PLEKHG5: variants seen among roughly 807,000 people sequenced by gnomAD.
PLEKHG5 encodes pleckstrin homology domain-containing family G member 5.
In PLEKHG5, 52 loss-of-function variants were observed where a neutral mutation model predicts 103.8. That is an observed-to-expected ratio of 0.50 (90% confidence interval 0.40 to 0.63). PLEKHG5 has a LOEUF of 0.63. Among genes scored for constraint, PLEKHG5 ranks in the 30% least tolerant of loss-of-function variants. The probability of loss-of-function intolerance (pLI) is 0.00; values close to 1 mark genes in which losing one functional copy is unlikely to be tolerated. For missense variants in PLEKHG5, 1,205 were observed against 1,347.6 expected (o/e 0.89, Z 1.66); for synonymous variants, 592 against 575.5 (o/e 1.03, Z -0.41).
At chr1:6,501,643 G>A (rs532012843), upstream of PLEKHG5, among the ~76,000 whole-genome samples, 13 of 151,580 alleles carry the variant, frequency 8.6e-5, no homozygotes, top group South Asian at 4.1e-4. This position sits in a 1 kb window ranked among gnomAD's most constrained non-coding sequence, Gnocchi z 4.3. Context: ...AAACTGAGGC[G>A]TGGAGGGTAG....
chr1:6,515,218 A>G (rs1273806107), intron 1 of PLEKHG5, among the ~76,000 whole-genome samples: 1 of 151,876 alleles, frequency 6.6e-6, no homozygotes, highest in Non-Finnish European at 1.5e-5. Flanking sequence ...CCACCTTCCC[A>G]TTTGGGACAA....
rs3007425 is a variant in PLEKHG5 at position 6,486,923 on chromosome 1, C to T, written c.-88+4714G>A. On this transcript the variant is annotated intron_variant, in intron 1 of 20. Transcript: ENST00000377728. The surrounding 1 kb of genome is among the most constrained non-coding windows in gnomAD (Gnocchi z 5.3). ...GGTGGCCATGCTGTCTGTCATCAGC[C>T]CACCCACCCCTAATTGCTCCTCCTC... 0.033 allele frequency among the ~76,000 whole-genome samples: 5,040 copies of T among 152,214 alleles called. 279 individuals carry two copies. The highest frequency in any genetic ancestry group is 0.12 in the African/African-American group (4,824 of 41,500).
At chr1:6,495,629 G>A (rs1454922183), upstream of PLEKHG5, among the ~76,000 whole-genome samples, 1 of 152,210 alleles carries the variant, frequency 6.6e-6, no homozygotes, top group Non-Finnish European at 1.5e-5. Context: ...TCAGAAGGCC[G>A]GAGGAGGAGT....
intron 1 of PLEKHG5, among the ~76,000 whole-genome samples, chr1:6,502,510 A>G (rs2148631435): frequency 6.6e-6 from 1 of 152,278 alleles, no homozygotes. Flanking sequence ...GGGGCCCAAG[A>G]AACTGTCCAC....
intron 1 of PLEKHG5, among the ~76,000 whole-genome samples, chr1:6,489,307 C>A (rs994202132): frequency 2.6e-5 from 4 of 152,196 alleles, no homozygotes; most frequent in Admixed American, 1.3e-4. Context: ...ACCCTCCTTT[C>A]CCCTAGGCCC....
chr1:6,469,749 C>A (rs1184332934), intron 16 of PLEKHG5, 73 bp from the exon 17 acceptor site: 3 of 1,487,264 alleles, frequency 2.0e-6, no homozygotes, highest in Non-Finnish European at 2.8e-6. Context: ...ACCAGCCTCC[C>A]CTGGGAGCAC....
intron 1 of PLEKHG5, among the ~76,000 whole-genome samples, chr1:6,482,105 A>G (rs1440274954): frequency 1.3e-5 from 2 of 151,942 alleles, no homozygotes; most frequent in Non-Finnish European, 2.9e-5. Flanking sequence ...TTCCCCAGAT[A>G]TTGAAATGCA....
Position 6,470,321 on chromosome 1 carries a change from G to C in PLEKHG5, c.1715C>G (p.Ala572Gly), listed in dbSNP as rs761560984. 1.9e-6 allele frequency: 3 copies of C among 1,614,024 alleles called. No individual in the cohort carries two copies. The highest frequency in any genetic ancestry group is 4.5e-5 in the East Asian group (2 of 44,880). Reference protein sequence around the residue: ...LKEFLHLDLTAPIPGASPEET... With the variant: ...LKEFLHLDLTGPIPGASPEET... Reference sequence around the variant, plus strand: ...CTCCGGGGAGGCGCCAGGGATGGGCGCTGTCAAGTCCAGGTGCAGAAATTC... The same window carrying C: ...CTCCGGGGAGGCGCCAGGGATGGGCCCTGTCAAGTCCAGGTGCAGAAATTC... The change falls in exon 16 of 21, where the codon GCG (alanine) becomes GGG (glycine). Residue 572 changes from alanine to glycine, a missense_variant. Physicochemically the swap from Ala to Gly is moderately conservative, Grantham distance 60 (BLOSUM62 0). Coordinates refer to ENST00000377728, the MANE Select transcript of PLEKHG5 (RefSeq NM_020631.6).
At chr1:6,472,869 G>T in intron 9 of PLEKHG5, 117 bp downstream of exon 9, 1 of 977,402 alleles carries the variant, frequency 1.0e-6, no homozygotes, top group Non-Finnish European at 1.6e-6. Context: ...TCCAAAGTGG[G>T]CTAATGGTAA....
At chr1:6,518,185 G>T (rs1020252038) in intron 1 of PLEKHG5, among the ~76,000 whole-genome samples, 3 of 151,976 alleles carry the variant, frequency 2.0e-5, no homozygotes, top group Non-Finnish European at 4.4e-5. Flanking sequence ...GCCCGCCTCA[G>T]CCTCCCAAAG....
chr1:6,516,562 C>T (rs1638619483), intron 1 of PLEKHG5, among the ~76,000 whole-genome samples: 1 of 151,806 alleles, frequency 6.6e-6, no homozygotes, highest in Non-Finnish European at 1.5e-5. Context: ...GAGGCTGAGG[C>T]AGGAGAACTG....
Position 6,490,596 on chromosome 1 carries a change from G to A in PLEKHG5, c.-88+1041C>T. ...AGCGCAAACTGGGGCGCGGGACGTA[G>A]GGGAATTACGGTAGCCGCGCGGGCG... On this transcript the variant is annotated intron_variant, in intron 1 of 20. Transcript: ENST00000377728. This position sits in a 1 kb window ranked among gnomAD's most constrained non-coding sequence, Gnocchi z 8.0. 3 of 985,440 alleles carry A rather than the reference G, an allele frequency of 3.0e-6. No individual in the cohort carries two copies. Among genetic ancestry groups the A allele is most frequent in the Non-Finnish European group, 3.6e-6 (3 of 829,934 alleles). The allele number at this position is 985,440 out of a possible 1,614,324, so 61.0% of individuals were successfully genotyped here. A position where few individuals can be genotyped will look rare whatever the true frequency, so the allele number is the denominator to read the frequency against.
chr1:6,474,389 C>A (rs549475761), intron 6 of PLEKHG5, 62 bp downstream of exon 6: 1 of 1,591,782 alleles, frequency 6.3e-7, no homozygotes, highest in East Asian at 2.2e-5. Context: ...CTGGGAAGGG[C>A]GCCCATCTCC....
chr1:6,497,202 G>A, upstream of PLEKHG5: 6 of 866,540 alleles, frequency 6.9e-6, no homozygotes, highest in Admixed American at 1.0e-4. This position sits in a 1 kb window ranked among gnomAD's most constrained non-coding sequence, Gnocchi z 6.1. Flanking sequence ...CGAGCGGCCC[G>A]AAGCCCGGTC....
intron 19 of PLEKHG5, 35 bp from the exon 20 acceptor site, chr1:6,468,621 G>A: frequency 6.2e-7 from 1 of 1,611,238 alleles, no homozygotes; most frequent in Non-Finnish European, 8.5e-7. Context: ...CCCAGGCCAT[G>A]AAACCTAGAT....
intron 7 of PLEKHG5, 46 bp downstream of exon 7, chr1:6,473,967 T>G: frequency 6.7e-7 from 1 of 1,499,884 alleles, no homozygotes; most frequent in Non-Finnish European, 9.1e-7. Context: ...GGGCCCAGCC[T>G]GGGCCCCTTC....
rs1456325595 is a variant in PLEKHG5, at chr1:6,486,030, C to T, written c.-88+5607G>A. On this transcript the variant is annotated intron_variant, in intron 1 of 20. Transcript: ENST00000377728. The surrounding 1 kb of genome is among the most constrained non-coding windows in gnomAD (Gnocchi z 5.3). ...CCCCTCCCCTGGGTGACTCGATCCC[C>T]GCCCAGCCCTGGGGGTGCCCACTCT... 5.0e-6 allele frequency: 2 copies of T among 396,224 alleles called. No individual in the cohort carries two copies. The highest frequency in any genetic ancestry group is 3.4e-6 in the Non-Finnish European group (1 of 291,704). 24.5% of individuals were successfully genotyped at this position (396,224 alleles called of 1,614,324 possible).
At chr1:6,512,827 T>C (rs888459219) in intron 1 of PLEKHG5, among the ~76,000 whole-genome samples, 4 of 152,188 alleles carry the variant, frequency 2.6e-5, no homozygotes, top group African/African-American at 9.6e-5. Context: ...GGCTGTGCCA[T>C]CTCGAACAAG....
At chr1:6,497,257 T>C (rs1459653510), upstream of PLEKHG5, 4 of 891,306 alleles carry the variant, frequency 4.5e-6, no homozygotes, top group Non-Finnish European at 7.1e-6. The surrounding 1 kb of genome is among the most constrained non-coding windows in gnomAD (Gnocchi z 6.1). Flanking sequence ...CGGAGGAGGT[T>C]AGGAGCCGGC....
Sources: gnomAD v4.1 joint callset for allele counts (sites outside exome capture counted in the v4.1 genomes callset) on GRCh38, gnomAD v4.1.1 for gene constraint, Gnocchi (gnomAD v3.1) non-coding constraint, MANE v1.5 for transcripts, NCBI Gene and HGNC (gene_info 2026-07-23, HGNC 2026-07-21) for gene names.